CENPO: variants seen among roughly 807,000 people sequenced by gnomAD.
CENPO encodes centromere protein O.
A neutral mutation model predicts 36.1 loss-of-function variants in CENPO; 30 were observed. That is an observed-to-expected ratio of 0.83 (90% confidence interval 0.62 to 1.13). The LOEUF (loss-of-function observed/expected upper bound fraction) is 1.13, where lower values mean the gene tolerates loss of function less well. Ranked by LOEUF, CENPO falls within the 50% of genes most tolerant of loss-of-function variation. The pLI, the probability that CENPO is intolerant of heterozygous loss-of-function variation, is 0.00. For synonymous variants in CENPO, 171 were observed against 142.3 expected (o/e 1.20, Z -1.44); for missense variants, 349 against 357.8 (o/e 0.98, Z 0.20).
intron 3 of CENPO, among the ~76,000 whole-genome samples, chr2:24,801,644 T>C (rs1317205221): frequency 1.3e-5 from 2 of 152,200 alleles, no homozygotes; most frequent in Admixed American, 6.5e-5. Context: ...TGTAGATATG[T>C]GGCATTATTT....
intron 3 of CENPO, among the ~76,000 whole-genome samples, chr2:24,805,873 C>G (rs949088275): frequency 6.6e-6 from 1 of 152,248 alleles, no homozygotes; most frequent in South Asian, 2.1e-4. Flanking sequence ...ACATTTAAGT[C>G]TGCAGAGTTT....
At chr2:24,810,136 T>C (rs138518261) in intron 3 of CENPO, among the ~76,000 whole-genome samples, 12 of 152,202 alleles carry the variant, frequency 7.9e-5, no homozygotes, top group African/African-American at 2.9e-4. Flanking sequence ...CCCACTGTGA[T>C]TGTAGATGAA....
rs781331772 is a variant in CENPO at position 24,820,033 on chromosome 2, C to G, written c.*715C>G. The G allele has an allele frequency of 6.2e-7, 1 of 1,609,076 alleles. No individual in the cohort carries two copies. The highest frequency in any genetic ancestry group is 1.7e-5 in the Admixed American group (1 of 59,068). ...TTCAAGAAGAAGGTCAGCAGCTCCC[C>G]CTTCCCCTTCACAAAGATGGGGCCT... On this transcript the variant is annotated 3_prime_UTR_variant, in exon 8 of 8. Transcript: ENST00000380834.
intron 7 of CENPO, 107 bp downstream of exon 7, chr2:24,817,948 G>C (rs1667036960): frequency 2.3e-6 from 2 of 858,542 alleles, no homozygotes; most frequent in Non-Finnish European, 3.5e-6. Context: ...CTGGATGGAA[G>C]AGCAGGTTTG....
chr2:24,808,358 G>A (rs914630579), intron 3 of CENPO, among the ~76,000 whole-genome samples: 7 of 152,002 alleles, frequency 4.6e-5, no homozygotes, highest in South Asian at 4.1e-4. Flanking sequence ...ACAGGCATGC[G>A]CCCAGCTAAT....
intron 3 of CENPO, among the ~76,000 whole-genome samples, chr2:24,802,406 AGT>A (rs1432342590): frequency 2.0e-5 from 3 of 151,970 alleles, no homozygotes; most frequent in Non-Finnish European, 2.9e-5. Flanking sequence ...GTCTTGTGCC[AGT>A]TTTCAAAGGG....
chr2:24,793,547 G>C (rs1250087222), intron 1 of CENPO, 46 bp downstream of exon 1: 2 of 1,527,714 alleles, frequency 1.3e-6, no homozygotes, highest in Non-Finnish European at 1.8e-6. Flanking sequence ...TTGTCGGACC[G>C]GACCGTGGCC....
At chr2:24,795,103 A>G (rs1414954859) in intron 2 of CENPO, among the ~76,000 whole-genome samples, 2 of 152,172 alleles carry the variant, frequency 1.3e-5, no homozygotes, top group African/African-American at 4.8e-5. Context: ...AACATGCTAC[A>G]CTCAGGAGTA....
intron 3 of CENPO, among the ~76,000 whole-genome samples, chr2:24,804,765 C>G (rs1332134710): frequency 6.6e-6 from 1 of 152,118 alleles, no homozygotes; most frequent in Non-Finnish European, 1.5e-5. Context: ...TACATTTTTT[C>G]CTTCATTTCA....
At chr2:24,818,472 GTTC>G (rs1023529279) in intron 7 of CENPO, among the ~76,000 whole-genome samples, 2 of 121,554 alleles carry the variant, frequency 1.6e-5, no homozygotes, top group African/African-American at 5.0e-5. Flanking sequence ...TGAAAAGGAA[GTTC>G]TTCAGTGTTT....
chr2:24,795,191 C>T (rs1255033016), intron 2 of CENPO, among the ~76,000 whole-genome samples: 4 of 152,158 alleles, frequency 2.6e-5, no homozygotes, highest in Admixed American at 6.6e-5. Flanking sequence ...TATCAAGAGA[C>T]TTAGACCAGT....
At chr2:24,816,513 TTC>T (rs974771889) in intron 5 of CENPO, 131 bp from the exon 6 acceptor site, 7 of 672,796 alleles carry the variant, frequency 1.0e-5, no homozygotes, top group African/African-American at 7.4e-5. Context: ...TCAGACCTTT[TTC>T]TGTCCCTCAT....
intron 3 of CENPO, among the ~76,000 whole-genome samples, chr2:24,810,018 A>T (rs1572736852): frequency 6.6e-6 from 1 of 150,642 alleles, no homozygotes; most frequent in East Asian, 2.0e-4. Flanking sequence ...ACTCTACTCC[A>T]GCCTGGGCAA....
intron 2 of CENPO, among the ~76,000 whole-genome samples, chr2:24,797,835 T>G (rs1295273637): frequency 6.6e-6 from 1 of 152,104 alleles, no homozygotes; most frequent in African/African-American, 2.4e-5. Flanking sequence ...TTCAGCAACA[T>G]GGATATCACT....
chr2:24,815,112 C>T (rs181541293), intron 4 of CENPO, among the ~76,000 whole-genome samples: 3 of 152,054 alleles, frequency 2.0e-5, no homozygotes, highest in Admixed American at 1.3e-4. Flanking sequence ...GTGGCATGCG[C>T]TTGTGGTCCC....
At chr2:24,817,223 C>T (rs1161333593) in intron 6 of CENPO, among the ~76,000 whole-genome samples, 3 of 152,146 alleles carry the variant, frequency 2.0e-5, no homozygotes, top group African/African-American at 4.8e-5. Context: ...CTCCTCCCTA[C>T]GGAGCAGTCT....
rs938819932 is a variant in CENPO, at chr2:24,815,374, T to C, written c.335-123T>C. On this transcript the variant is annotated intron_variant, in intron 4 of 7. Transcript: ENST00000380834. The stretch of plus-strand genomic sequence containing the variant: ...GGGAAGAATGAGCCTATGATACTCA[T>C]TGAACAAACATTTGTGTACAAAGTG... 52 of 751,806 alleles carry C rather than the reference T, an allele frequency of 6.9e-5. No homozygotes were observed. The East Asian group carries it at 1.3e-3, about 18-fold the overall frequency. 46.6% of individuals were successfully genotyped at this position (751,806 alleles called of 1,614,324 possible). A position where few individuals can be genotyped will look rare whatever the true frequency, so the allele number is the denominator to read the frequency against.
Position 24,820,509 on chromosome 2 carries a change from T to C in CENPO, c.*1191T>C, listed in dbSNP as rs904657938. On this transcript the variant is annotated 3_prime_UTR_variant, in exon 8 of 8. Coordinates refer to ENST00000380834, the MANE Select transcript of CENPO (RefSeq NM_001322101.2). ...TACCCAAAGGTAGGCCATATGCATCTAGAACTTCAGCCCAGATTTTGTGGA... is the reference window on the plus strand; with the variant it reads ...TACCCAAAGGTAGGCCATATGCATCCAGAACTTCAGCCCAGATTTTGTGGA... The C allele has an allele frequency of 1.8e-5, 25 of 1,410,888 alleles. No individual in the cohort carries two copies. The highest frequency in any genetic ancestry group is 2.1e-5 in the Non-Finnish European group (23 of 1,083,596). 87.4% of individuals were successfully genotyped at this position (1,410,888 alleles called of 1,614,324 possible).
chr2:24,817,744 C>T lies in CENPO; in HGVS notation c.841C>T (p.His281Tyr). 6.2e-7 allele frequency: 1 copy of T among 1,614,228 alleles called. No individual in the cohort carries two copies. The highest frequency in any genetic ancestry group is 1.3e-5 in the African/African-American group (1 of 75,064). ...AACTCTGTTCTGTACGAAGCCCTTG[C>T]ATCAAGTGTTTGCCTCATTTACAAG... ...HETLFCTKPL[H>Y]QVFASFTRKG... Residue 281 changes from histidine (H) to tyrosine (Y), a missense_variant, in exon 7 of 8, where the codon CAT becomes TAT. Physicochemically the swap from His to Tyr is moderately conservative, Grantham distance 83 (BLOSUM62 2). Coordinates refer to ENST00000380834, the MANE Select transcript of CENPO (RefSeq NM_001322101.2).
Sources: gnomAD v4.1 joint callset for allele counts (sites outside exome capture counted in the v4.1 genomes callset) on GRCh38, gnomAD v4.1.1 for gene constraint, MANE v1.5 for transcripts, NCBI Gene and HGNC (gene_info 2026-07-23, HGNC 2026-07-21) for gene names.